The following TTC7B variants were observed in gnomAD, a reference collection of about 807,000 sequenced individuals.
TTC7B encodes the protein tetratricopeptide repeat protein 7B.
A neutral mutation model predicts 106.8 loss-of-function variants in TTC7B; 28 were observed. The ratio of observed to expected loss-of-function variants is 0.26; its 90% CI spans 0.19 to 0.36. The LOEUF (loss-of-function observed/expected upper bound fraction) is 0.36. Ranked by LOEUF, TTC7B falls within the 10% of genes least tolerant of loss-of-function variation. TTC7B has a pLI of 1.00. For missense variants in TTC7B, 862 were observed against 1,076.4 expected (o/e 0.80, Z 2.79); for synonymous variants, 405 against 430.6 (o/e 0.94, Z 0.74).
At chr14:90,569,537 G>A (rs1416287416) in intron 19 of TTC7B, 1 of 152,242 alleles carries the variant, frequency 6.6e-6, no homozygotes. Flanking sequence ...GAGAGCACAG[G>A]GGGTCTGGCC....
chr14:90,746,900 T>A (rs1347105460), intron 3 of TTC7B, among the ~76,000 whole-genome samples: 1 of 152,196 alleles, frequency 6.6e-6, no homozygotes, highest in African/African-American at 2.4e-5. Context: ...ATCTGTGCAG[T>A]AAAGGGCTGA....
At chr14:90,552,941 A>T (rs1274060624) in intron 19 of TTC7B, among the ~76,000 whole-genome samples, 2 of 152,262 alleles carry the variant, frequency 1.3e-5, no homozygotes, top group African/African-American at 4.8e-5. Context: ...AGCCAGTCCC[A>T]GTCAGACATA....
chr14:90,595,368 T>C (rs1892160851), intron 17 of TTC7B, among the ~76,000 whole-genome samples: 1 of 151,796 alleles, frequency 6.6e-6, no homozygotes, highest in Non-Finnish European at 1.5e-5. Flanking sequence ...AATAAATAAT[T>C]AAAAAAGAGT....
At chr14:90,695,674 T>A in intron 5 of TTC7B, 96 bp from the exon 6 acceptor site, 1 of 689,026 alleles carries the variant, frequency 1.5e-6, no homozygotes, top group Non-Finnish European at 2.2e-6. Context: ...GCATAAAAGC[T>A]GTTGGCTAGA....
intron 15 of TTC7B, among the ~76,000 whole-genome samples, chr14:90,635,223 C>T (rs1489887685): frequency 6.6e-6 from 1 of 152,020 alleles, no homozygotes; most frequent in Non-Finnish European, 1.5e-5. Flanking sequence ...CTTGGGTAAT[C>T]ACTAAAGAAG....
chr14:90,607,510 G>A (rs2139837919), intron 17 of TTC7B, among the ~76,000 whole-genome samples: 1 of 152,358 alleles, frequency 6.6e-6, no homozygotes, highest in East Asian at 1.9e-4. Flanking sequence ...TGTTTCACTG[G>A]GAACCATTCT....
intron 5 of TTC7B, among the ~76,000 whole-genome samples, chr14:90,715,497 T>G (rs1227662544): frequency 6.6e-6 from 1 of 152,214 alleles, no homozygotes; most frequent in Admixed American, 6.5e-5. Context: ...TACATAGTAC[T>G]TGCTATGTGT....
At chr14:90,800,525 A>G (rs956777084) in intron 1 of TTC7B, among the ~76,000 whole-genome samples, 1 of 152,064 alleles carries the variant, frequency 6.6e-6, no homozygotes. Context: ...AGAAGGTCAG[A>G]GTCCGGCCAG....
At position 90,785,075 on chromosome 14, in the gene TTC7B, G is replaced by A. The variant is rs185912920; in HGVS notation, c.276+1099C>T. Among the ~76,000 whole-genome samples, 411 of 152,230 alleles carry A rather than the reference G, an allele frequency of 2.7e-3. 2 individuals carry two copies. Among genetic ancestry groups the A allele is most frequent in the Non-Finnish European group, 3.2e-3 (218 of 68,020 alleles). ...CACAGGCTTAGAACATGCAGGAGCCGGGAAGGTCCAAGCTCACCCCTTTAA... is the reference window on the plus strand; with the variant it reads ...CACAGGCTTAGAACATGCAGGAGCCAGGAAGGTCCAAGCTCACCCCTTTAA... On this transcript the variant is annotated intron_variant, in intron 2 of 19. Coordinates refer to ENST00000328459, the MANE Select transcript of TTC7B (RefSeq NM_001010854.2).
intron 15 of TTC7B, among the ~76,000 whole-genome samples, chr14:90,621,712 A>C (rs1317778079): frequency 1.3e-5 from 2 of 152,204 alleles, no homozygotes. Context: ...GCCCAAGGGA[A>C]AGCAGGAACA....
At position 90,786,382 on chromosome 14, in the gene TTC7B, AC is replaced by A. The variant is rs1891390154; in HGVS notation, c.122-55del. The A allele has an allele frequency of 2.5e-6, 4 of 1,599,506 alleles. 1 individual carries two copies. Among genetic ancestry groups the A allele is most frequent in the South Asian group, 2.2e-5 (2 of 89,954 alleles). ...GAGCAAGGAATGGCCTGCATGTAGGACCCCCTCACTCAAGGGACCCCAGAAC... is the reference window on the plus strand; with the variant it reads ...GAGCAAGGAATGGCCTGCATGTAGGACCCCTCACTCAAGGGACCCCAGAAC... On this transcript the variant is annotated intron_variant, in intron 1 of 19. Transcript: ENST00000328459.
rs965011221 is a variant in TTC7B, at chr14:90,532,033, G to A, written c.*9335C>T. 1 of 152,226 alleles carries A rather than the reference G, an allele frequency of 6.6e-6. No individual in the cohort carries two copies. Among genetic ancestry groups the A allele is most frequent in the African/African-American group, 2.4e-5 (1 of 41,408 alleles). 9.4% of individuals were successfully genotyped at this position (152,226 alleles called of 1,614,324 possible). A position where few individuals can be genotyped will look rare whatever the true frequency, so the allele number is the denominator to read the frequency against. On this transcript the variant is annotated 3_prime_UTR_variant, in exon 20 of 20. Coordinates refer to ENST00000328459, the MANE Select transcript of TTC7B (RefSeq NM_001010854.2). ...TCTGTCTCTGAAAAAAATTAGTGGG[G>A]CTTGGCATCTGTAGTCCCAGCTACT... is the stretch of plus-strand genomic sequence containing the variant.
chr14:90,598,630 T>C (rs1892309278), intron 17 of TTC7B, among the ~76,000 whole-genome samples: 1 of 152,208 alleles, frequency 6.6e-6, no homozygotes, highest in Non-Finnish European at 1.5e-5. Context: ...CGTGCTCCTA[T>C]TGTACACTGA....
intron 19 of TTC7B, among the ~76,000 whole-genome samples, chr14:90,542,009 G>A (rs533539876): frequency 6.6e-6 from 1 of 152,228 alleles, no homozygotes; most frequent in Admixed American, 6.5e-5. Flanking sequence ...GCGCGATCTT[G>A]GCTCACTGCA....
At chr14:90,752,005 C>T (rs1432982093) in intron 3 of TTC7B, among the ~76,000 whole-genome samples, 1 of 152,128 alleles carries the variant, frequency 6.6e-6, no homozygotes, top group Non-Finnish European at 1.5e-5. Context: ...GCTGAGTGCA[C>T]AGGGTGGAGT....
At chr14:90,605,711 G>A in intron 17 of TTC7B, 1 of 1,287,952 alleles carries the variant, frequency 7.8e-7, no homozygotes, top group Non-Finnish European at 1.0e-6. Context: ...AGGTGGAGAG[G>A]AGATTCGGTT....
chr14:90,689,484 T>A, intron 7 of TTC7B, 56 bp downstream of exon 7: 1 of 1,488,782 alleles, frequency 6.7e-7, no homozygotes, highest in Non-Finnish European at 9.1e-7. Flanking sequence ...TCCTTGAATT[T>A]TCCCAAGTTT....
intron 7 of TTC7B, among the ~76,000 whole-genome samples, chr14:90,687,497 T>G (rs967618379): frequency 6.6e-6 from 1 of 152,180 alleles, no homozygotes; most frequent in African/African-American, 2.4e-5. Context: ...GCTCTGGCCA[T>G]GTGTCAAAGT....
chr14:90,654,324 T>C (rs1056680601), intron 12 of TTC7B, among the ~76,000 whole-genome samples: 2 of 152,206 alleles, frequency 1.3e-5, no homozygotes, highest in Admixed American at 6.5e-5. Context: ...TTTGCATTTG[T>C]GTTATATTTA....
Sources: allele counts gnomAD v4.1 joint callset (sites outside exome capture counted in the v4.1 genomes callset), GRCh38; gene constraint gnomAD v4.1.1; transcripts MANE v1.5; gene names NCBI Gene and HGNC (gene_info 2026-07-23, HGNC 2026-07-21).